The following GDPD1 variants were observed in gnomAD, a reference collection of about 807,000 sequenced individuals.
GDPD1 encodes glycerophosphodiester phosphodiesterase domain containing 1.
In GDPD1, 28 loss-of-function variants were observed where a neutral mutation model predicts 45.1. The observed-to-expected ratio is 0.62, with a 90% CI of 0.46 to 0.85. GDPD1 has a LOEUF of 0.85. Among genes scored for constraint, GDPD1 ranks in the 40% least tolerant of loss-of-function variants. The pLI, the probability that GDPD1 is intolerant of heterozygous loss-of-function variation, is 0.00. For synonymous variants in GDPD1, 139 were observed against 131.4 expected, an observed-to-expected ratio of 1.06 and a Z score of -0.40; for missense variants, 256 against 364.8, an observed-to-expected ratio of 0.70 and a Z score of 2.43.
chr17:59,239,263 C>A (rs531223756), intron 2 of GDPD1, among the ~76,000 whole-genome samples: 36 of 152,150 alleles, frequency 2.4e-4, no homozygotes, highest in Non-Finnish European at 4.3e-4. Flanking sequence ...CAAATAAATT[C>A]TTTAACATGG....
intron 1 of GDPD1, among the ~76,000 whole-genome samples, chr17:59,229,122 G>GTTATTATTATTA (rs71145540): frequency 7.4e-6 from 1 of 134,410 alleles, no homozygotes; most frequent in African/African-American, 2.7e-5. Flanking sequence ...TCCTCAAATT[G>GTTATTATTATTA]TTATTATTAT....
intron 6 of GDPD1, among the ~76,000 whole-genome samples, chr17:59,265,968 T>G (rs1054237167): frequency 6.7e-6 from 1 of 149,516 alleles, no homozygotes; most frequent in Non-Finnish European, 1.5e-5. Flanking sequence ...CTTCTGGACT[T>G]TGGTTGCACA....
At chr17:59,268,112 CAA>C (rs2047412445) in intron 7 of GDPD1, among the ~76,000 whole-genome samples, 2 of 152,070 alleles carry the variant, frequency 1.3e-5, no homozygotes, top group African/African-American at 4.8e-5. Flanking sequence ...ACTAAGCACT[CAA>C]GAGTGATAGC....
intron 4 of GDPD1, among the ~76,000 whole-genome samples, chr17:59,255,857 G>GCGTATATATATATATATA (rs2047303265): frequency 7.3e-5 from 3 of 40,882 alleles, no homozygotes; most frequent in African/African-American, 4.4e-4. Flanking sequence ...ATATACACAC[G>GCGTATATATATATATATA]TATATATATA....
chr17:59,266,282 G>T (rs1296416410), intron 6 of GDPD1, among the ~76,000 whole-genome samples: 2 of 151,688 alleles, frequency 1.3e-5, no homozygotes, highest in Admixed American at 1.3e-4. Flanking sequence ...TAGCTACTTG[G>T]GGGGCTGAGG....
chr17:59,272,342 G>A (rs556368861), intron 8 of GDPD1, among the ~76,000 whole-genome samples: 11 of 152,184 alleles, frequency 7.2e-5, no homozygotes, highest in East Asian at 1.9e-4. Flanking sequence ...TTCTAACATC[G>A]CTTACAAAAG....
chr17:59,275,347 T>C lies in GDPD1; in HGVS notation c.*1574T>C, dbSNP rs763609967. On this transcript the variant is annotated 3_prime_UTR_variant, in exon 10 of 10. Coordinates refer to ENST00000284116, the MANE Select transcript of GDPD1 (RefSeq NM_182569.4). ...TTGATCAGAAATAAAATCTGTAGAG[T>C]GAATTAGATTTCTGAGTTGTTGTTG... 7 of 615,994 alleles carry C rather than the reference T, an allele frequency of 1.1e-5. No individual in the cohort carries two copies. The highest frequency in any genetic ancestry group is 2.0e-5 in the Non-Finnish European group (7 of 357,986). The allele number at this position is 615,994 out of a possible 1,614,324, so 38.2% of individuals were successfully genotyped here. A position where few individuals can be genotyped will look rare whatever the true frequency, so the allele number is the denominator to read the frequency against.
At chr17:59,268,393 G>A (rs539028124) in intron 7 of GDPD1, among the ~76,000 whole-genome samples, 2 of 151,502 alleles carry the variant, frequency 1.3e-5, no homozygotes, top group Non-Finnish European at 2.9e-5. Context: ...TGGCTAACAC[G>A]GTGAAACCCC....
chr17:59,228,600 G>T (rs997589051), intron 1 of GDPD1, among the ~76,000 whole-genome samples: 14 of 151,816 alleles, frequency 9.2e-5, no homozygotes, highest in Non-Finnish European at 1.8e-4. Flanking sequence ...TCATGGTTAG[G>T]CCAGCCAGGC....
intron 4 of GDPD1, among the ~76,000 whole-genome samples, chr17:59,254,320 C>T (rs547279660): frequency 6.7e-5 from 10 of 150,210 alleles, no homozygotes; most frequent in South Asian, 6.3e-4. Context: ...GAGATGGCAC[C>T]GCTGCACTGC....
At chr17:59,230,625 G>T (rs1264933529) in intron 1 of GDPD1, among the ~76,000 whole-genome samples, 1 of 151,764 alleles carries the variant, frequency 6.6e-6, no homozygotes. Context: ...CAGGTGATCC[G>T]CCTGCCTCAG....
At chr17:59,243,111 C>G (rs1212794440) in intron 2 of GDPD1, among the ~76,000 whole-genome samples, 2 of 152,016 alleles carry the variant, frequency 1.3e-5, no homozygotes, top group African/African-American at 4.8e-5. Flanking sequence ...ATTGCTTGAA[C>G]CTGGAAGGCA....
At chr17:59,254,522 C>T (rs188694592) in intron 4 of GDPD1, among the ~76,000 whole-genome samples, 4 of 151,936 alleles carry the variant, frequency 2.6e-5, no homozygotes, top group African/African-American at 7.2e-5. Flanking sequence ...AGATTGAGAC[C>T]CTGTCTCAAA....
intron 1 of GDPD1, among the ~76,000 whole-genome samples, chr17:59,223,009 G>A (rs1257697287): frequency 2.6e-5 from 4 of 152,056 alleles, no homozygotes; most frequent in African/African-American, 9.7e-5. Flanking sequence ...AATACTTGTC[G>A]ATCTTTGAAA....
At chr17:59,269,572 C>T (rs1371233139) in intron 7 of GDPD1, among the ~76,000 whole-genome samples, 3 of 151,240 alleles carry the variant, frequency 2.0e-5, no homozygotes, top group African/African-American at 7.3e-5. Context: ...CCTGTAATCT[C>T]AGCACTTTGG....
At position 59,255,827 on chromosome 17, in the gene GDPD1, ACG is replaced by A. The variant is rs1491276257; in HGVS notation, c.368-1292_368-1291del. 2.2e-3 allele frequency among the ~76,000 whole-genome samples: 120 copies of A among 54,870 alleles called. 5 individuals are homozygous for A. The highest frequency in any genetic ancestry group is 3.1e-3 in the Non-Finnish European group (100 of 31,838). The allele number at this position is 54,870 out of a possible 152,430, so 36.0% of individuals were successfully genotyped here. On this transcript the variant is annotated intron_variant, in intron 4 of 9. Coordinates refer to ENST00000284116, the MANE Select transcript of GDPD1 (RefSeq NM_182569.4). ...TATATATATACGCGTATATATATATACGCGTATATATATATATATATATACAC... is the reference window on the plus strand; with the variant it reads ...TATATATATACGCGTATATATATATACGTATATATATATATATATATACAC...
chr17:59,231,984 C>G (rs1344369194), intron 1 of GDPD1, among the ~76,000 whole-genome samples: 1 of 152,052 alleles, frequency 6.6e-6, no homozygotes, highest in Non-Finnish European at 1.5e-5. Context: ...GTTGCCAATG[C>G]TTGGAAATCA....
At chr17:59,240,066 G>A (rs1366371894) in intron 2 of GDPD1, among the ~76,000 whole-genome samples, 2 of 152,118 alleles carry the variant, frequency 1.3e-5, no homozygotes, top group Non-Finnish European at 2.9e-5. Context: ...GCCGAGGCGG[G>A]CAGATCAGGA....
Position 59,221,520 on chromosome 17 carries a change from T to G in GDPD1, c.142+769T>G, listed in dbSNP as rs144051758. 4.8e-4 allele frequency among the ~76,000 whole-genome samples: 73 copies of G among 151,876 alleles called. 1 individual carries two copies. Among genetic ancestry groups the G allele is most frequent in the Middle Eastern group, 3.4e-3 (1 of 294 alleles). On this transcript the variant is annotated intron_variant, in intron 1 of 9. Coordinates refer to ENST00000284116, the MANE Select transcript of GDPD1 (RefSeq NM_182569.4). ...GGATTTTCAACAGACTAAAAATGATTTCGTTTAGGACAGGACAGTATTGTT... is the reference window on the plus strand; with the variant it reads ...GGATTTTCAACAGACTAAAAATGATGTCGTTTAGGACAGGACAGTATTGTT...
Sources: allele counts gnomAD v4.1 joint callset (sites outside exome capture counted in the v4.1 genomes callset), GRCh38; gene constraint gnomAD v4.1.1; transcripts MANE v1.5; gene names NCBI Gene and HGNC (gene_info 2026-07-23, HGNC 2026-07-21).